GRID2: variants seen among roughly 807,000 people sequenced by gnomAD.
GRID2 encodes glutamate receptor ionotropic, delta-2.
In GRID2, 33 loss-of-function variants were observed where a neutral mutation model predicts 114.8. The ratio of observed to expected loss-of-function variants is 0.29; its 90% confidence interval spans 0.22 to 0.38. The LOEUF is 0.38. GRID2 is among the 10% of genes least tolerant of loss of function. GRID2 has a pLI of 1.00. For missense variants in GRID2, 1,184 were observed against 1,257.7 expected, an observed-to-expected ratio of 0.94 and a Z score of 0.89; for synonymous variants, 505 against 449.9, an observed-to-expected ratio of 1.12 and a Z score of -1.55.
At chr4:93,576,473 A>G (rs1379229286) in intron 13 of GRID2, among the ~76,000 whole-genome samples, 1 of 152,218 alleles carries the variant, frequency 6.6e-6, no homozygotes, top group Non-Finnish European at 1.5e-5. Context: ...GAAATAGTCA[A>G]TATATTTATT....
At chr4:93,463,730 C>T (rs1329349367) in intron 11 of GRID2, among the ~76,000 whole-genome samples, 1 of 151,880 alleles carries the variant, frequency 6.6e-6, no homozygotes, top group Admixed American at 6.6e-5. Context: ...TGGCTCACGC[C>T]TGTAATCCCA....
intron 1 of GRID2, among the ~76,000 whole-genome samples, chr4:92,401,429 A>G (rs890048155): frequency 2.0e-5 from 3 of 152,176 alleles, no homozygotes; most frequent in African/African-American, 7.2e-5. Context: ...TAGTTTTAAC[A>G]CCAATTCTTT....
chr4:92,438,895 A>G (rs980832115), intron 1 of GRID2, among the ~76,000 whole-genome samples: 1 of 152,220 alleles, frequency 6.6e-6, no homozygotes, highest in African/African-American at 2.4e-5. Context: ...GATTATTGCC[A>G]GCACTGTGAG....
chr4:93,120,046 A>T lies in GRID2; in HGVS notation c.735+9093A>T, dbSNP rs190748345. 2.0e-5 allele frequency among the ~76,000 whole-genome samples: 3 copies of T among 152,346 alleles called. No individual in the cohort carries two copies. In the East Asian group the frequency reaches 5.8e-4, roughly 29 times the overall value. ...AAATGCAAATTGAAACCACAGTGTG[A>T]TACCATCTCATGCCAGTTAGAATGG... On this transcript the variant is annotated intron_variant, in intron 4 of 15. Coordinates refer to ENST00000282020, the MANE Select transcript of GRID2 (RefSeq NM_001510.4).
At chr4:92,925,090 A>C (rs571942099) in intron 2 of GRID2, among the ~76,000 whole-genome samples, 1 of 152,112 alleles carries the variant, frequency 6.6e-6, no homozygotes, top group African/African-American at 2.4e-5. Context: ...TCTTTGCTCA[A>C]CTAGGTTAGT....
chr4:93,339,734 A>G (rs1224681318), intron 8 of GRID2, among the ~76,000 whole-genome samples: 2 of 152,156 alleles, frequency 1.3e-5, no homozygotes, highest in Non-Finnish European at 1.5e-5. Context: ...GAGACTGGGT[A>G]ATTTCTAAAG....
At chr4:93,012,917 A>G (rs1722331321) in intron 2 of GRID2, among the ~76,000 whole-genome samples, 1 of 152,044 alleles carries the variant, frequency 6.6e-6, no homozygotes, top group African/African-American at 2.4e-5. Flanking sequence ...TGACATATAT[A>G]TATAAAACAT....
chr4:93,470,247 C>A (rs1484451981), intron 11 of GRID2, among the ~76,000 whole-genome samples: 2 of 152,004 alleles, frequency 1.3e-5, no homozygotes, highest in African/African-American at 4.8e-5. Context: ...AACTTTCTTG[C>A]TACTAAATTA....
chr4:93,079,212 T>C (rs1729632297), intron 2 of GRID2, among the ~76,000 whole-genome samples: 1 of 151,900 alleles, frequency 6.6e-6, no homozygotes, highest in African/African-American at 2.4e-5. Flanking sequence ...TTAGGTCTGA[T>C]TAAAAGTGTA....
At chr4:92,977,295 C>G (rs191044828) in intron 2 of GRID2, among the ~76,000 whole-genome samples, 1 of 151,890 alleles carries the variant, frequency 6.6e-6, no homozygotes, top group African/African-American at 2.4e-5. Context: ...GATGGGAGAA[C>G]CGAAAAGCAA....
intron 1 of GRID2, among the ~76,000 whole-genome samples, chr4:92,384,560 TATAATATAA>T (rs1729809267): frequency 1.3e-5 from 1 of 76,396 alleles, no homozygotes; most frequent in African/African-American, 6.2e-5. Flanking sequence ...ATATATTATA[TATAATATAA>T]TATATAAAAT....
chr4:93,616,659 T>C (rs1211476467), intron 13 of GRID2, among the ~76,000 whole-genome samples: 1 of 150,100 alleles, frequency 6.7e-6, no homozygotes, highest in African/African-American at 2.4e-5. Flanking sequence ...AAAACTTGCT[T>C]AAATTTACAC....
intron 2 of GRID2, among the ~76,000 whole-genome samples, chr4:92,854,739 T>G (rs923223344): frequency 2.6e-5 from 4 of 152,000 alleles, no homozygotes; most frequent in African/African-American, 9.7e-5. Context: ...GGTACACAAG[T>G]TTTCAAAATT....
chr4:93,618,070 CTG>C (rs1741870013), intron 13 of GRID2, among the ~76,000 whole-genome samples: 1 of 152,158 alleles, frequency 6.6e-6, no homozygotes, highest in Non-Finnish European at 1.5e-5. Flanking sequence ...TGTGCTATGA[CTG>C]GGCATTGGAG....
intron 2 of GRID2, among the ~76,000 whole-genome samples, chr4:92,947,600 T>C (rs754430986): frequency 1.2e-4 from 19 of 152,082 alleles, no homozygotes; most frequent in Middle Eastern, 3.4e-3. Context: ...AAATGTTAGA[T>C]AGCATTGACA....
chr4:93,032,720 A>C (rs1334105729), intron 2 of GRID2, among the ~76,000 whole-genome samples: 1 of 152,216 alleles, frequency 6.6e-6, no homozygotes, highest in Admixed American at 6.5e-5. Context: ...ATGTCTAAAG[A>C]AGAAAACAAT....
At chr4:93,429,797 T>C (rs968072894) in intron 10 of GRID2, among the ~76,000 whole-genome samples, 1 of 152,344 alleles carries the variant, frequency 6.6e-6, no homozygotes, top group Non-Finnish European at 1.5e-5. Context: ...TATAGCACCA[T>C]TGAGAGTCCT....
At chr4:93,754,575 A>C in intron 14 of GRID2, among the ~76,000 whole-genome samples, 1 of 152,180 alleles carries the variant, frequency 6.6e-6, no homozygotes, top group East Asian at 1.9e-4. Context: ...AGAGTGTAGT[A>C]TCCAGTATTG....
intron 4 of GRID2, among the ~76,000 whole-genome samples, chr4:93,157,114 A>C (rs1737257327): frequency 6.6e-6 from 1 of 151,722 alleles, no homozygotes; most frequent in Non-Finnish European, 1.5e-5. Context: ...CACCAAATGA[A>C]TCCAGATCCC....
Sources: allele counts gnomAD v4.1 joint callset (sites outside exome capture counted in the v4.1 genomes callset), GRCh38; gene constraint gnomAD v4.1.1; transcripts MANE v1.5; gene names NCBI Gene and HGNC (gene_info 2026-07-23, HGNC 2026-07-21).